KCNK2: variants seen among roughly 807,000 people sequenced by gnomAD.
KCNK2 encodes potassium channel subfamily K member 2.
In KCNK2, 21 loss-of-function variants were observed where a neutral mutation model predicts 40.5. The ratio of observed to expected loss-of-function variants is 0.52; its 90% CI spans 0.37 to 0.75. The LOEUF (loss-of-function observed/expected upper bound fraction) is 0.75. Among genes scored for constraint, KCNK2 ranks in the 30% least tolerant of loss-of-function variants. KCNK2 has a pLI of 0.00. For synonymous variants in KCNK2, 191 were observed against 202.2 expected (o/e 0.94, Z 0.47); for missense variants, 399 against 531.6 (o/e 0.75, Z 2.45).
intron 1 of KCNK2, among the ~76,000 whole-genome samples, chr1:215,059,013 G>A (rs1658262212): frequency 6.6e-6 from 1 of 151,670 alleles, no homozygotes; most frequent in Non-Finnish European, 1.5e-5. Flanking sequence ...TCTGTTGTGT[G>A]TGAGTGTATG....
intron 5 of KCNK2, among the ~76,000 whole-genome samples, chr1:215,188,608 A>T: frequency 6.6e-6 from 1 of 152,108 alleles, no homozygotes; most frequent in East Asian, 1.9e-4. Flanking sequence ...CTAACCCCCA[A>T]GCAGTTAGTT....
chr1:215,023,425 C>T (rs1656882457), intron 1 of KCNK2, among the ~76,000 whole-genome samples: 1 of 152,158 alleles, frequency 6.6e-6, no homozygotes, highest in South Asian at 2.1e-4. Flanking sequence ...AAATCTGCCC[C>T]TCAGCCATAA....
chr1:215,139,126 T>C (rs531281276), intron 3 of KCNK2, among the ~76,000 whole-genome samples: 3 of 152,292 alleles, frequency 2.0e-5, no homozygotes, highest in Non-Finnish European at 4.4e-5. Context: ...ACAAGCAGTG[T>C]AAAGAATGTA....
intron 3 of KCNK2, among the ~76,000 whole-genome samples, chr1:215,125,417 C>CTT (rs1661373462): frequency 6.6e-6 from 1 of 152,074 alleles, no homozygotes; most frequent in South Asian, 2.1e-4. Flanking sequence ...TGTTTGACAT[C>CTT]TTCTAAAGCG....
At chr1:215,184,873 C>CA (rs1032701358) in intron 5 of KCNK2, among the ~76,000 whole-genome samples, 6 of 150,834 alleles carry the variant, frequency 4.0e-5, no homozygotes, top group African/African-American at 1.2e-4. Flanking sequence ...GATCTGAGAC[C>CA]AAAAAAAATA....
chr1:215,033,281 A>G (rs1657269564), intron 1 of KCNK2, among the ~76,000 whole-genome samples: 1 of 151,184 alleles, frequency 6.6e-6, no homozygotes, highest in East Asian at 1.9e-4. Flanking sequence ...CATGGTGTCT[A>G]CTTCAATTAG....
intron 1 of KCNK2, among the ~76,000 whole-genome samples, chr1:215,012,652 T>G (rs1282909168): frequency 6.6e-6 from 1 of 150,842 alleles, no homozygotes; most frequent in Non-Finnish European, 1.5e-5. Flanking sequence ...TTTAGTTTTT[T>G]TTTTTTTTTT....
intron 6 of KCNK2, among the ~76,000 whole-genome samples, chr1:215,205,180 G>C (rs1028924183): frequency 7.9e-5 from 12 of 151,994 alleles, no homozygotes; most frequent in African/African-American, 2.9e-4. Flanking sequence ...TTTTGTGTTT[G>C]GTTAACCATA....
intron 5 of KCNK2, 89 bp downstream of exon 5, chr1:215,172,272 T>C: frequency 1.7e-6 from 2 of 1,194,928 alleles, no homozygotes; most frequent in Non-Finnish European, 2.4e-6. Flanking sequence ...ACACAAGGGC[T>C]GTATGAGTTT....
intron 2 of KCNK2, among the ~76,000 whole-genome samples, chr1:215,113,020 A>G (rs1378883092): frequency 1.3e-5 from 2 of 152,302 alleles, no homozygotes; most frequent in East Asian, 3.9e-4. Context: ...TAGTGATTTT[A>G]TGTCTACTCA....
intron 1 of KCNK2, among the ~76,000 whole-genome samples, chr1:215,029,398 T>TG (rs1657107211): frequency 6.6e-6 from 1 of 150,996 alleles, no homozygotes; most frequent in South Asian, 2.1e-4. Flanking sequence ...GGATTTTTTT[T>TG]TCACTTAGTG....
At chr1:215,148,486 C>T (rs1467759500) in intron 3 of KCNK2, among the ~76,000 whole-genome samples, 2 of 152,036 alleles carry the variant, frequency 1.3e-5, no homozygotes, top group African/African-American at 2.4e-5. Flanking sequence ...AACAGTAGAA[C>T]TATCTAGATC....
At chr1:215,161,361 A>T (rs1265122627) in intron 3 of KCNK2, among the ~76,000 whole-genome samples, 2 of 150,224 alleles carry the variant, frequency 1.3e-5, no homozygotes, top group African/African-American at 4.9e-5. Context: ...CATGAACCCT[A>T]CTTATTTCTG....
At chr1:215,234,770 T>A in intron 6 of KCNK2, 58 bp from the exon 7 acceptor site, 1 of 1,443,976 alleles carries the variant, frequency 6.9e-7, no homozygotes. Context: ...AGATAAAGCA[T>A]AGAAAATGTT....
chr1:215,121,023 A>C (rs1661167540), intron 2 of KCNK2, among the ~76,000 whole-genome samples: 1 of 152,216 alleles, frequency 6.6e-6, no homozygotes, highest in Admixed American at 6.5e-5. Flanking sequence ...TATGTGACAA[A>C]AATGAAGAAT....
chr1:215,142,245 T>A (rs1168513094), intron 3 of KCNK2, among the ~76,000 whole-genome samples: 1 of 152,128 alleles, frequency 6.6e-6, no homozygotes, highest in Admixed American at 6.6e-5. Flanking sequence ...TTCTCTCCTG[T>A]TGTGATTTCC....
At chr1:215,066,143 A>G (rs1158621198) in intron 1 of KCNK2, among the ~76,000 whole-genome samples, 1 of 152,132 alleles carries the variant, frequency 6.6e-6, no homozygotes, top group East Asian at 1.9e-4. Flanking sequence ...GAGGGATAAC[A>G]TTAGGAGAAA....
At chr1:215,147,878 C>G (rs1403474448) in intron 3 of KCNK2, among the ~76,000 whole-genome samples, 2 of 151,956 alleles carry the variant, frequency 1.3e-5, no homozygotes. Context: ...ATGTGATTGT[C>G]ATTTCACTCT....
At chr1:215,025,969 G>A (rs1430425755) in intron 1 of KCNK2, among the ~76,000 whole-genome samples, 2 of 151,986 alleles carry the variant, frequency 1.3e-5, no homozygotes, top group African/African-American at 4.8e-5. Flanking sequence ...TACATTTTTA[G>A]CAGCAATGTA....
Sources: allele counts gnomAD v4.1 joint callset (sites outside exome capture counted in the v4.1 genomes callset), GRCh38; gene constraint gnomAD v4.1.1; transcripts MANE v1.5; gene names NCBI Gene and HGNC (gene_info 2026-07-23, HGNC 2026-07-21).